Variants in NAALADL2 observed in about 807,000 individuals in gnomAD.
NAALADL2 encodes the protein N-acetylated alpha-linked acidic dipeptidase like 2, also known as inactive N-acetylated-alpha-linked acidic dipeptidase-like protein 2.
A neutral mutation model predicts 87.2 loss-of-function variants in NAALADL2; 76 were observed. That is an observed-to-expected ratio of 0.87 (90% CI 0.72 to 1.05). The LOEUF (loss-of-function observed/expected upper bound fraction) is 1.05. Among genes scored for constraint, NAALADL2 ranks in the 50% least tolerant of loss-of-function variants. The probability of loss-of-function intolerance (pLI) is 0.00; values close to 1 mark genes in which losing one functional copy is unlikely to be tolerated. For synonymous variants in NAALADL2, 354 were observed against 331.0 expected (o/e 1.07, Z -0.75); for missense variants, 1,089 against 945.8 (o/e 1.15, Z -1.99).
chr3:174,897,786 A>G (rs1731735664), intron 1 of NAALADL2, among the ~76,000 whole-genome samples: 1 of 152,182 alleles, frequency 6.6e-6, no homozygotes, highest in Non-Finnish European at 1.5e-5. Context: ...ATGATTGGAT[A>G]AAGAAAATGT....
At chr3:175,420,552 T>G (rs1715522270) in intron 5 of NAALADL2, among the ~76,000 whole-genome samples, 1 of 152,040 alleles carries the variant, frequency 6.6e-6, no homozygotes, top group African/African-American at 2.4e-5. Flanking sequence ...TGAAAACTTT[T>G]TTCTGTTAAT....
intron 3 of NAALADL2, among the ~76,000 whole-genome samples, chr3:174,779,121 C>A (rs1486193341): frequency 1.3e-5 from 2 of 152,162 alleles, no homozygotes; most frequent in African/African-American, 2.4e-5. Flanking sequence ...CCTATTTTTC[C>A]ACATTCTCTC....
At chr3:175,026,651 G>A (rs1204432220) in intron 1 of NAALADL2, among the ~76,000 whole-genome samples, 2 of 132,138 alleles carry the variant, frequency 1.5e-5, no homozygotes, top group African/African-American at 7.0e-5. Flanking sequence ...ACAAAACTCT[G>A]TCTCAAAAAA....
At chr3:174,500,288 C>A (rs1718802714) in intron 1 of NAALADL2, among the ~76,000 whole-genome samples, 1 of 152,090 alleles carries the variant, frequency 6.6e-6, no homozygotes, top group African/African-American at 2.4e-5. Flanking sequence ...TACCACCTTA[C>A]TAAAATCATT....
chr3:174,526,380 A>C (rs1304524569), intron 1 of NAALADL2, among the ~76,000 whole-genome samples: 1 of 152,178 alleles, frequency 6.6e-6, no homozygotes, highest in Non-Finnish European at 1.5e-5. Context: ...CATGCTTTAC[A>C]ACCTCTTTAT....
intron 3 of NAALADL2, among the ~76,000 whole-genome samples, chr3:174,748,289 T>G (rs907500291): frequency 1.3e-5 from 2 of 151,946 alleles, no homozygotes; most frequent in Non-Finnish European, 2.9e-5. Flanking sequence ...AACCTGTATG[T>G]CCTGCACATG....
rs1553873565 is a variant in NAALADL2, at chr3:175,360,826, A to ATGTG, written c.1090+36521_1090+36524dup. Among the ~76,000 whole-genome samples, 273 of 66,668 alleles carry ATGTG rather than the reference A, an allele frequency of 4.1e-3. 2 individuals carry two copies. The highest frequency in any genetic ancestry group is 0.03 in the South Asian group (76 of 2,576). 43.7% of individuals were successfully genotyped at this position (66,668 alleles called of 152,430 possible). ...AATATTCCACTGTGTGTGTGTGTGT[A>ATGTG]TGTGTGTGTGTGTGTGTGTGTGTAT... On this transcript the variant is annotated intron_variant, in intron 5 of 13. Transcript: ENST00000454872.
intron 9 of NAALADL2, among the ~76,000 whole-genome samples, chr3:175,531,829 G>A (rs1321977538): frequency 1.3e-5 from 2 of 152,204 alleles, no homozygotes; most frequent in Admixed American, 6.5e-5. Context: ...CATTCTCCAA[G>A]ATCCATCTGT....
chr3:174,510,347 A>C (rs969153984), intron 1 of NAALADL2, among the ~76,000 whole-genome samples: 4 of 152,064 alleles, frequency 2.6e-5, no homozygotes, highest in Non-Finnish European at 4.4e-5. Context: ...CGTTTGATAC[A>C]GTTCTCCAGT....
At chr3:174,979,522 GTCT>G (rs1677670943) in intron 1 of NAALADL2, among the ~76,000 whole-genome samples, 1 of 151,714 alleles carries the variant, frequency 6.6e-6, no homozygotes, top group Non-Finnish European at 1.5e-5. Flanking sequence ...AGCCAGGATG[GTCT>G]CCATCTGCTG....
At chr3:175,152,762 C>T (rs2108791579) in intron 2 of NAALADL2, among the ~76,000 whole-genome samples, 1 of 152,118 alleles carries the variant, frequency 6.6e-6, no homozygotes, top group South Asian at 2.1e-4. Context: ...AAAAAATTAG[C>T]TGGGCTTGGT....
At chr3:174,948,546 T>G (rs1191678764) in intron 1 of NAALADL2, among the ~76,000 whole-genome samples, 1 of 152,224 alleles carries the variant, frequency 6.6e-6, no homozygotes, top group African/African-American at 2.4e-5. Flanking sequence ...TGGTACTTTA[T>G]TGTGACTATT....
At chr3:175,742,993 C>A (rs1675682330) in intron 12 of NAALADL2, among the ~76,000 whole-genome samples, 1 of 149,670 alleles carries the variant, frequency 6.7e-6, no homozygotes, top group South Asian at 2.1e-4. Context: ...TCAGACAATT[C>A]CAAATCTTTT....
At chr3:175,301,785 A>G (rs1219428071) in intron 4 of NAALADL2, among the ~76,000 whole-genome samples, 1 of 152,230 alleles carries the variant, frequency 6.6e-6, no homozygotes, top group Non-Finnish European at 1.5e-5. Flanking sequence ...AACAGTGGAT[A>G]TTCATTGTGG....
chr3:175,077,656 T>A (rs1716868073), intron 1 of NAALADL2, among the ~76,000 whole-genome samples: 1 of 152,172 alleles, frequency 6.6e-6, no homozygotes, highest in African/African-American at 2.4e-5. Flanking sequence ...TATATAGTAA[T>A]ATCATAAATA....
chr3:175,772,081 C>T (rs558874879), intron 13 of NAALADL2, among the ~76,000 whole-genome samples: 5 of 152,180 alleles, frequency 3.3e-5, no homozygotes, highest in Non-Finnish European at 5.9e-5. Context: ...ACAGCCAAAC[C>T]GTATCAACAT....
rs145084744 is a variant in NAALADL2, at chr3:174,498,154, A to G, written c.-183-52415A>G. Among the ~76,000 whole-genome samples the G allele has an allele frequency of 4.9e-4, 75 of 152,116 alleles. 1 individual carries two copies. The highest frequency in any genetic ancestry group is 1.8e-3 in the African/African-American group (73 of 41,526). ...AATCAATATAGTAAACATGTACCTC[A>G]TCCCCAAGAGTTTCCTGATGCCTCT... is the stretch of plus-strand genomic sequence containing the variant. On this transcript the variant is annotated intron_variant, in intron 1 of 3. Transcript: ENST00000434257.
At chr3:175,484,404 T>C (rs1208087851) in intron 9 of NAALADL2, among the ~76,000 whole-genome samples, 1 of 152,094 alleles carries the variant, frequency 6.6e-6, no homozygotes, top group East Asian at 1.9e-4. Context: ...ATTATAAAAT[T>C]GCTGTCAACA....
At chr3:175,793,594 C>A (rs1462615340) in intron 13 of NAALADL2, among the ~76,000 whole-genome samples, 1 of 151,916 alleles carries the variant, frequency 6.6e-6, no homozygotes, top group Non-Finnish European at 1.5e-5. Context: ...GGATTACAGG[C>A]GTGAGCCACT....
Sources: gnomAD v4.1 joint callset for allele counts (sites outside exome capture counted in the v4.1 genomes callset) on GRCh38, gnomAD v4.1.1 for gene constraint, MANE v1.5 for transcripts, NCBI Gene and HGNC (gene_info 2026-07-23, HGNC 2026-07-21) for gene names.